UCK2: variants seen among roughly 807,000 people sequenced by gnomAD.
The protein encoded by UCK2 is uridine-cytidine kinase 2.
A neutral mutation model predicts 30.8 loss-of-function variants in UCK2; 6 were observed. The ratio of observed to expected loss-of-function variants is 0.19; its 90% CI spans 0.11 to 0.38. The LOEUF is 0.38. UCK2 is among the 10% of genes least tolerant of loss of function. The probability of loss-of-function intolerance (pLI) is 1.00; values close to 1 mark genes in which losing one functional copy is unlikely to be tolerated. For synonymous variants in UCK2, 125 were observed against 133.6 expected (o/e 0.94, Z 0.45); for missense variants, 210 against 339.8 (o/e 0.62, Z 3.00).
rs149567546 is a variant in UCK2 at position 165,846,075 on chromosome 1, T to G, written c.99+18143T>G. On this transcript the variant is annotated intron_variant, in intron 1 of 6. Transcript: ENST00000367879. ...GGGAGGCCGAGGTGGGATGATCACTTGAGCCCAGGAGTTCCAGACCAGCCT... is the reference window on the plus strand; with the variant it reads ...GGGAGGCCGAGGTGGGATGATCACTGGAGCCCAGGAGTTCCAGACCAGCCT... Among the ~76,000 whole-genome samples, 26 of 152,236 alleles carry G rather than the reference T, an allele frequency of 1.7e-4. No homozygotes were observed. The East Asian group carries it at 4.4e-3, about 26-fold the overall frequency.
At chr1:165,903,335 A>G (rs1647544266) in intron 5 of UCK2, 56 bp downstream of exon 5, 1 of 1,524,804 alleles carries the variant, frequency 6.6e-7, no homozygotes, top group Non-Finnish European at 9.0e-7. Context: ...ATTTGATGAT[A>G]TAAACGAAGG....
intron 1 of UCK2, among the ~76,000 whole-genome samples, chr1:165,842,657 T>A (rs1654358737): frequency 1.3e-5 from 2 of 152,206 alleles, no homozygotes; most frequent in African/African-American, 4.8e-5. Context: ...CTGACTGATT[T>A]CCCAGCTGCC....
At chr1:165,875,747 C>T (rs949595663) in intron 1 of UCK2, among the ~76,000 whole-genome samples, 7 of 152,190 alleles carry the variant, frequency 4.6e-5, no homozygotes, top group South Asian at 2.1e-4. Context: ...GATGAAGAGA[C>T]GCACAGGGCA....
chr1:165,836,577 C>T (rs1270535292), intron 1 of UCK2, among the ~76,000 whole-genome samples: 1 of 152,194 alleles, frequency 6.6e-6, no homozygotes, highest in African/African-American at 2.4e-5. Context: ...CTGGAAACCT[C>T]CAGACTTGTA....
chr1:165,830,608 C>T (rs1014501791), intron 1 of UCK2, among the ~76,000 whole-genome samples: 6 of 143,126 alleles, frequency 4.2e-5, no homozygotes, highest in African/African-American at 1.0e-4. Flanking sequence ...TACAGGTGTG[C>T]GCCACCACGC....
intron 4 of UCK2, among the ~76,000 whole-genome samples, chr1:165,896,855 G>C (rs146374048): frequency 1.3e-5 from 2 of 152,168 alleles, no homozygotes; most frequent in Non-Finnish European, 2.9e-5. Context: ...TGTGCCCTCC[G>C]CAGGCCCTAC....
chr1:165,889,437 C>T (rs1655705300), intron 1 of UCK2, among the ~76,000 whole-genome samples: 1 of 152,214 alleles, frequency 6.6e-6, no homozygotes, highest in Non-Finnish European at 1.5e-5. Context: ...TGCCTTCATT[C>T]TACTTTCTGC....
intron 1 of UCK2, among the ~76,000 whole-genome samples, chr1:165,848,202 G>C (rs1374940421): frequency 6.6e-6 from 1 of 152,226 alleles, no homozygotes; most frequent in Non-Finnish European, 1.5e-5. Context: ...AAAGGTTGTT[G>C]TGTGGTTGCA....
intron 1 of UCK2, among the ~76,000 whole-genome samples, chr1:165,863,969 T>C (rs778060128): frequency 6.6e-6 from 1 of 152,050 alleles, no homozygotes; most frequent in African/African-American, 2.4e-5. Flanking sequence ...TCCTGCCTTA[T>C]TTTTTTTCCT....
At chr1:165,876,718 T>C (rs567907796) in intron 1 of UCK2, among the ~76,000 whole-genome samples, 1 of 152,330 alleles carries the variant, frequency 6.6e-6, no homozygotes, top group African/African-American at 2.4e-5. Context: ...AGATTCATTC[T>C]CTTATAGTGC....
intron 4 of UCK2, among the ~76,000 whole-genome samples, chr1:165,898,307 A>G (rs1411893884): frequency 6.6e-6 from 1 of 152,208 alleles, no homozygotes; most frequent in African/African-American, 2.4e-5. Context: ...TTTTCCTATT[A>G]GAATGTGGTC....
chr1:165,881,224 C>A (rs1397781985), intron 1 of UCK2, among the ~76,000 whole-genome samples: 3 of 144,968 alleles, frequency 2.1e-5, no homozygotes, highest in African/African-American at 7.7e-5. Flanking sequence ...TGTAGAAGAA[C>A]CATAGTTCTC....
intron 2 of UCK2, 49 bp downstream of exon 2, chr1:165,890,412 G>T (rs2101881401): frequency 1.1e-5 from 18 of 1,567,066 alleles, no homozygotes; most frequent in South Asian, 3.4e-5. Context: ...TGTGTTGGGG[G>T]GAATAGTTTT....
intron 1 of UCK2, among the ~76,000 whole-genome samples, chr1:165,865,000 T>TAC (rs751644954): frequency 5.3e-4 from 80 of 152,132 alleles, no homozygotes; most frequent in Non-Finnish European, 7.8e-4. Context: ...ATTGAGATTT[T>TAC]ACACACACAC....
intron 1 of UCK2, among the ~76,000 whole-genome samples, chr1:165,850,719 C>T (rs1019918054): frequency 6.0e-5 from 9 of 150,622 alleles, no homozygotes; most frequent in East Asian, 2.0e-4. Flanking sequence ...CCCGTGTTCA[C>T]GCCATTCTCC....
intron 4 of UCK2, among the ~76,000 whole-genome samples, chr1:165,896,563 G>A (rs536608692): frequency 3.2e-4 from 49 of 152,362 alleles, no homozygotes; most frequent in Middle Eastern, 3.4e-3. Flanking sequence ...TTGGGATAAC[G>A]AAAGGCTTGT....
At chr1:165,887,082 A>G (rs1468814570) in intron 1 of UCK2, among the ~76,000 whole-genome samples, 2 of 152,210 alleles carry the variant, frequency 1.3e-5, no homozygotes, top group South Asian at 2.1e-4. Context: ...ATGAAACCAC[A>G]TTACTTAACT....
In UCK2 at chr1:165,910,739, G is replaced by A. The variant is rs1411362871; in HGVS notation, c.*2916G>A. ...CGGGATGTCTGTGGGACAGGCCAGGGAAGGAGGGCAGAGACAGGGTCTCCA... is the reference window on the plus strand; with the variant it reads ...CGGGATGTCTGTGGGACAGGCCAGGAAAGGAGGGCAGAGACAGGGTCTCCA... On this transcript the variant is annotated 3_prime_UTR_variant, in exon 7 of 7. Coordinates refer to ENST00000367879, the MANE Select transcript of UCK2 (RefSeq NM_012474.5). 1 of 152,450 alleles carries A rather than the reference G, an allele frequency of 6.6e-6. No homozygotes were observed. Among genetic ancestry groups the A allele is most frequent in the African/African-American group, 2.4e-5 (1 of 41,464 alleles). The allele number at this position is 152,450 out of a possible 1,614,324, so 9.4% of individuals were successfully genotyped here.
intron 1 of UCK2, among the ~76,000 whole-genome samples, chr1:165,830,737 A>G (rs922796810): frequency 9.9e-5 from 15 of 152,128 alleles, no homozygotes; most frequent in African/African-American, 3.6e-4. Context: ...TATTTTTGTT[A>G]TTAAAAAAGT....
Sources: allele counts gnomAD v4.1 joint callset (sites outside exome capture counted in the v4.1 genomes callset), GRCh38; gene constraint gnomAD v4.1.1; transcripts MANE v1.5; gene names NCBI Gene and HGNC (gene_info 2026-07-23, HGNC 2026-07-21).